Variants in TIMM50 observed in about 807,000 individuals in gnomAD.
TIMM50 encodes the protein mitochondrial import inner membrane translocase subunit TIM50.
Under a neutral mutation model 49.6 loss-of-function variants are expected in TIMM50, and 34 were observed. That is an observed-to-expected ratio of 0.69 (90% confidence interval 0.52 to 0.91). The LOEUF (loss-of-function observed/expected upper bound fraction) is 0.91. Ranked by LOEUF, TIMM50 falls within the 40% of genes least tolerant of loss-of-function variation. The pLI is 0.00. For missense variants in TIMM50, 458 were observed against 477.8 expected, an observed-to-expected ratio of 0.96 and a Z score of 0.39; for synonymous variants, 199 against 198.4, an observed-to-expected ratio of 1.00 and a Z score of -0.03.
Position 39,491,291 on chromosome 19 carries a change from C to G in TIMM50, c.*1471C>G, listed in dbSNP as rs1027694351. On this transcript the variant is annotated 3_prime_UTR_variant, in exon 11 of 11. Transcript: ENST00000607714. ...AAGCAATGCTCCCGCCTCAACCTCC[C>G]AAGTAGCTGAGATTACAGGCGCACA... is the stretch of plus-strand genomic sequence containing the variant. The G allele has an allele frequency of 3.3e-5, 5 of 151,554 alleles. No individual in the cohort carries two copies. The highest frequency in any genetic ancestry group is 1.2e-4 in the African/African-American group (5 of 41,344). 9.4% of individuals were successfully genotyped at this position (151,554 alleles called of 1,614,324 possible). A position where few individuals can be genotyped will look rare whatever the true frequency, so the allele number is the denominator to read the frequency against.
rs762865494 is a variant in TIMM50 at position 39,485,524 on chromosome 19, T to C, written c.314-20T>C. On this transcript the variant is annotated intron_variant, in intron 4 of 10. Transcript: ENST00000607714. ...ACAGCGGCTTATTGTGGAATCTCTT[T>C]GTGCCTGGTGTTCTCCTAGATCCAA... 1 of 1,614,182 alleles carries C rather than the reference T, an allele frequency of 6.2e-7. No homozygotes were observed. Among genetic ancestry groups the C allele is most frequent in the East Asian group, 2.2e-5 (1 of 44,888 alleles).
At chr19:39,488,964 G>C (rs1283798264) in intron 10 of TIMM50, among the ~76,000 whole-genome samples, 2 of 152,032 alleles carry the variant, frequency 1.3e-5, no homozygotes, top group Non-Finnish European at 2.9e-5. Context: ...GTGGGTTTTA[G>C]ATCAGGCCTG....
Position 39,491,433 on chromosome 19 carries a change from C to T in TIMM50, c.*1613C>T, listed in dbSNP as rs1169785457. ...CCGCCCGCCTCGGCCTCCCAAAGTG[C>T]TGGGATTGCAGGCATGAGCCACCAT... is the stretch of plus-strand genomic sequence containing the variant. On this transcript the variant is annotated 3_prime_UTR_variant, in exon 11 of 11. Transcript: ENST00000607714. 1.3e-5 allele frequency: 2 copies of T among 151,860 alleles called. No homozygotes were observed. The highest frequency in any genetic ancestry group is 2.9e-5 in the Non-Finnish European group (2 of 67,992). 9.4% of individuals were successfully genotyped at this position (151,860 alleles called of 1,614,324 possible).
At position 39,481,879 on chromosome 19, in the gene TIMM50, G is replaced by A. The variant is rs1177746034; in HGVS notation, c.109-4G>A. Reference sequence around the variant, plus strand: ...TTGGCTGACCTCCCCTTTCTCAACCGCAGGCCGCAGAGATCGGGAGCCGCG... The same window carrying A: ...TTGGCTGACCTCCCCTTTCTCAACCACAGGCCGCAGAGATCGGGAGCCGCG... On this transcript the variant is annotated splice_polypyrimidine_tract_variant and splice_region_variant and intron_variant, in intron 1 of 10. Transcript: ENST00000607714. The A allele has an allele frequency of 6.2e-7, 1 of 1,610,478 alleles. No homozygotes were observed. The highest frequency in any genetic ancestry group is 1.7e-5 in the Admixed American group (1 of 59,954).
intron 4 of TIMM50, chr19:39,483,462 C>T (rs1212961789): frequency 7.2e-6 from 3 of 418,316 alleles, no homozygotes; most frequent in Admixed American, 4.0e-5. Context: ...CAAGCATCTG[C>T]GGTTCCCAAC....
In TIMM50 at chr19:39,492,884, A is replaced by C. The variant is rs1348369463; in HGVS notation, c.*3064A>C. ...AGGCTCTGTCTCCAAAAAAAAAAAA[A>C]AAAAAAAACAAAAAAAAAACCAGTT... On this transcript the variant is annotated 3_prime_UTR_variant, in exon 11 of 11. Coordinates refer to ENST00000607714, the MANE Select transcript of TIMM50 (RefSeq NM_001001563.5). 2 of 143,872 alleles carry C rather than the reference A, an allele frequency of 1.4e-5. No individual in the cohort carries two copies. The highest frequency in any genetic ancestry group is 5.6e-5 in the African/African-American group (2 of 35,964). 8.9% of individuals were successfully genotyped at this position (143,872 alleles called of 1,614,324 possible). A position where few individuals can be genotyped will look rare whatever the true frequency, so the allele number is the denominator to read the frequency against.
intron 8 of TIMM50, among the ~76,000 whole-genome samples, chr19:39,487,396 C>G (rs2079513899): frequency 6.6e-6 from 1 of 152,188 alleles, no homozygotes; most frequent in Non-Finnish European, 1.5e-5. Flanking sequence ...CCTCAGCCTC[C>G]TGAGTAGCTG....
intron 4 of TIMM50, 161 bp from the exon 5 acceptor site, chr19:39,485,383 G>A (rs1219648653): frequency 2.5e-5 from 18 of 722,858 alleles, no homozygotes; most frequent in African/African-American, 3.5e-5. Context: ...CCTATCTGGC[G>A]GTATGTCATT....
At position 39,492,886 on chromosome 19, in the gene TIMM50, A is replaced by AAAC. The variant is rs1555752671; in HGVS notation, c.*3068_*3069insCAA. Reference sequence around the variant, plus strand: ...GCTCTGTCTCCAAAAAAAAAAAAAAAAAAAAACAAAAAAAAAACCAGTTTG... The same window carrying AAAC: ...GCTCTGTCTCCAAAAAAAAAAAAAAAAACAAAAAACAAAAAAAAAACCAGTTTG... On this transcript the variant is annotated 3_prime_UTR_variant, in exon 11 of 11. Coordinates refer to ENST00000607714, the MANE Select transcript of TIMM50 (RefSeq NM_001001563.5). 2 of 142,006 alleles carry AAAC rather than the reference A, an allele frequency of 1.4e-5. No individual in the cohort carries two copies. Among genetic ancestry groups the AAAC allele is most frequent in the Non-Finnish European group, 3.0e-5 (2 of 66,978 alleles). The allele number at this position is 142,006 out of a possible 1,614,324, so 8.8% of individuals were successfully genotyped here.
intron 4 of TIMM50, 77 bp from the exon 5 acceptor site, chr19:39,485,467 A>G (rs1481319811): frequency 2.5e-6 from 4 of 1,576,968 alleles, no homozygotes; most frequent in African/African-American, 1.3e-5. Flanking sequence ...TATCTGGTAG[A>G]TAAGAAACCC....
At chr19:39,489,666 A>C (rs1410054886) in intron 10 of TIMM50, 53 bp from the exon 11 acceptor site, 1 of 1,505,336 alleles carries the variant, frequency 6.6e-7, no homozygotes, top group Non-Finnish European at 9.0e-7. Context: ...ATCTGGGAGG[A>C]GGCTCTGTCC....
In TIMM50 at chr19:39,486,394, C is replaced by A. The variant is rs914382633; in HGVS notation, c.598-3C>A. The A allele has an allele frequency of 1.2e-6, 2 of 1,614,184 alleles. No individual in the cohort carries two copies. Among genetic ancestry groups the A allele is most frequent in the Non-Finnish European group, 1.7e-6 (2 of 1,180,012 alleles). On this transcript the variant is annotated splice_polypyrimidine_tract_variant and splice_region_variant and intron_variant, in intron 7 of 10. Transcript: ENST00000607714. The stretch of plus-strand genomic sequence containing the variant: ...CCTTTTCTCGCTCCCTTCCCACCCC[C>A]AGACTGCGTTTCCACTCATTGATAG...
chr19:39,482,025 A>G lies in TIMM50; in HGVS notation c.251A>G (p.Tyr84Cys), dbSNP rs772694709. Residue 84 changes from tyrosine (Y) to cysteine (C), a missense_variant, in exon 2 of 11, where the codon TAT becomes TGT. Transcript: ENST00000607714. The stretch of plus-strand genomic sequence containing the variant: ...GCTGGTGGGACTGTGAGCGTCGTCT[A>G]TATCTTTGGTGAGGGACATATCCCT... The part of the protein sequence containing the change: ...LGAGGTVSVV[Y>C]IFGNNPVDEN... 56 of 1,613,700 alleles carry G rather than the reference A, an allele frequency of 3.5e-5. No individual in the cohort carries two copies. The highest frequency in any genetic ancestry group is 4.5e-5 in the East Asian group (2 of 44,858).
At chr19:39,487,852 A>G (rs2079517801) in intron 8 of TIMM50, among the ~76,000 whole-genome samples, 1 of 151,638 alleles carries the variant, frequency 6.6e-6, no homozygotes, top group Non-Finnish European at 1.5e-5. Flanking sequence ...TCGGCCTCCC[A>G]AAGTGCTGGG....
At position 39,490,008 on chromosome 19, in the gene TIMM50, G is replaced by T; in HGVS notation, c.*188G>T. 1 of 612,006 alleles carries T rather than the reference G, an allele frequency of 1.6e-6. No individual in the cohort carries two copies. The highest frequency in any genetic ancestry group is 2.9e-6 in the Non-Finnish European group (1 of 348,038). The allele number at this position is 612,006 out of a possible 1,614,324, so 37.9% of individuals were successfully genotyped here. A position where few individuals can be genotyped will look rare whatever the true frequency, so the allele number is the denominator to read the frequency against. On this transcript the variant is annotated 3_prime_UTR_variant, in exon 11 of 11. Coordinates refer to ENST00000607714, the MANE Select transcript of TIMM50 (RefSeq NM_001001563.5). ...GGTCATCGTCCCACAGTGGCTGATC[G>T]GCTGCCAAGCACAGTGGGGGTGCTT...
intron 10 of TIMM50, 77 bp from the exon 11 acceptor site, chr19:39,489,642 C>A: frequency 2.2e-6 from 3 of 1,365,696 alleles, no homozygotes; most frequent in Non-Finnish European, 3.0e-6. Flanking sequence ...GGGCTGAGGC[C>A]TGGGGACCTG....
intron 2 of TIMM50, 100 bp downstream of exon 2, chr19:39,482,133 T>G: frequency 2.7e-6 from 4 of 1,458,798 alleles, no homozygotes; most frequent in Non-Finnish European, 1.9e-6. Context: ...CTCGTCTTCA[T>G]TCCCTGGCTC....
chr19:39,485,848 G>A (rs752837539), intron 6 of TIMM50, 41 bp downstream of exon 6: 1 of 1,611,672 alleles, frequency 6.2e-7, no homozygotes, highest in Non-Finnish European at 8.5e-7. Context: ...ATAGACCTGG[G>A]CAGTGGGGTT....
chr19:39,481,827 G>A, intron 1 of TIMM50, 56 bp from the exon 2 acceptor site: 2 of 1,576,260 alleles, frequency 1.3e-6, no homozygotes, highest in Non-Finnish European at 1.7e-6. Context: ...ACTGGAGGGT[G>A]GGGACCATCC....
Sources: allele counts gnomAD v4.1 joint callset (sites outside exome capture counted in the v4.1 genomes callset), GRCh38; gene constraint gnomAD v4.1.1; transcripts MANE v1.5; gene names NCBI Gene and HGNC (gene_info 2026-07-23, HGNC 2026-07-21).